The following TIMD4 variants were observed in gnomAD, a reference collection of about 807,000 sequenced individuals.
TIMD4 encodes T cell immunoglobulin and mucin domain containing 4.
In TIMD4, 31 loss-of-function variants were observed where a neutral mutation model predicts 41.2. The observed-to-expected ratio is 0.75, with a 90% CI of 0.57 to 1.01. The LOEUF (loss-of-function observed/expected upper bound fraction) is 1.01, where lower values mean the gene tolerates loss of function less well. Among genes scored for constraint, TIMD4 ranks in the 50% least tolerant of loss-of-function variants. TIMD4 has a pLI of 0.00. For synonymous variants in TIMD4, 204 were observed against 177.1 expected, an observed-to-expected ratio of 1.15 and a Z score of -1.21; for missense variants, 479 against 472.5, an observed-to-expected ratio of 1.01 and a Z score of -0.13.
chr5:156,923,478 TCA>T (rs1581606981), intron 6 of TIMD4, among the ~76,000 whole-genome samples: 1 of 152,048 alleles, frequency 6.6e-6, no homozygotes, highest in Non-Finnish European at 1.5e-5. Context: ...TAAAAATGTC[TCA>T]GTTTTTTCTG....
chr5:156,946,454 C>G (rs939623458), intron 5 of TIMD4, among the ~76,000 whole-genome samples: 1 of 152,090 alleles, frequency 6.6e-6, no homozygotes, highest in Non-Finnish European at 1.5e-5. Context: ...TCACTCTTGT[C>G]TGTTTCCTCC....
intron 1 of TIMD4, among the ~76,000 whole-genome samples, chr5:156,957,519 A>AAAAAAAG (rs893409205): frequency 1.3e-5 from 2 of 150,632 alleles, no homozygotes; most frequent in African/African-American, 4.9e-5. Context: ...TCTCAAAAAA[A>AAAAAAAG]AAAAAGAAAA....
At chr5:156,951,310 T>A (rs1759848008) in intron 3 of TIMD4, among the ~76,000 whole-genome samples, 1 of 152,100 alleles carries the variant, frequency 6.6e-6, no homozygotes, top group South Asian at 2.1e-4. Context: ...ACCCAGGACT[T>A]GTAGAACCCA....
At chr5:156,930,882 T>C in intron 5 of TIMD4, among the ~76,000 whole-genome samples, 1 of 152,194 alleles carries the variant, frequency 6.6e-6, no homozygotes. Context: ...CTTCAGAAAC[T>C]GTGAATATGT....
chr5:156,950,115 G>T (rs867272820), intron 3 of TIMD4, among the ~76,000 whole-genome samples: 1 of 82,074 alleles, frequency 1.2e-5, no homozygotes, highest in African/African-American at 4.0e-5. Context: ...ACCACACCTG[G>T]CCACTTTTTT....
At chr5:156,958,465 C>T (rs1402752812) in intron 1 of TIMD4, among the ~76,000 whole-genome samples, 1 of 152,054 alleles carries the variant, frequency 6.6e-6, no homozygotes. Flanking sequence ...ATAAATTTTA[C>T]CCATTAGACT....
intron 4 of TIMD4, 57 bp from the exon 5 acceptor site, chr5:156,948,556 C>T: frequency 8.0e-7 from 1 of 1,243,148 alleles, no homozygotes; most frequent in Non-Finnish European, 1.1e-6. Context: ...TGTCTTCCTG[C>T]TTTTGGTACT....
chr5:156,943,177 T>A (rs1204264041), intron 5 of TIMD4, among the ~76,000 whole-genome samples: 4 of 152,144 alleles, frequency 2.6e-5, no homozygotes. Context: ...CTGGACTGCC[T>A]GAAAATGAAG....
chr5:156,931,847 G>GTATGCAAATACTTAAAA (rs1561546117), intron 5 of TIMD4, among the ~76,000 whole-genome samples: 2 of 147,502 alleles, frequency 1.4e-5, no homozygotes, highest in South Asian at 2.2e-4. Flanking sequence ...CCTTGGCTAA[G>GTATGCAAATACTTAAAA]ATACTTTCCT....
Position 156,919,392 on chromosome 5 carries a change from A to G in TIMD4, c.*65T>C, listed in dbSNP as rs1365169582. On this transcript the variant is annotated 3_prime_UTR_variant, in exon 9 of 9. Transcript: ENST00000274532. ...TCTTTTTTATGAAACAAGGAAATCT[A>G]CTAAGACTTATTTTGACACTGGAGT... The G allele has an allele frequency of 2.1e-6, 3 of 1,415,426 alleles. No individual in the cohort carries two copies. Among genetic ancestry groups the G allele is most frequent in the Non-Finnish European group, 3.0e-6 (3 of 1,004,094 alleles). The allele number at this position is 1,415,426 out of a possible 1,614,324, so 87.7% of individuals were successfully genotyped here. A position where few individuals can be genotyped will look rare whatever the true frequency, so the allele number is the denominator to read the frequency against.
chr5:156,962,419 T>A (rs952622471), intron 1 of TIMD4, among the ~76,000 whole-genome samples: 2 of 150,130 alleles, frequency 1.3e-5, no homozygotes, highest in African/African-American at 4.9e-5. Flanking sequence ...AAAAAAAAAA[T>A]GGACTTTTGT....
intron 4 of TIMD4, 96 bp from the exon 5 acceptor site, chr5:156,948,595 T>G: frequency 1.5e-6 from 1 of 683,002 alleles, no homozygotes; most frequent in East Asian, 3.3e-5. Context: ...CTTCTGTCAT[T>G]GAAAACAAAA....
rs200259239 is a variant in TIMD4 at position 156,948,411 on chromosome 5, C to G, written c.844+5G>C. 7.1e-7 allele frequency: 1 copy of G among 1,399,684 alleles called. No homozygotes were observed. The highest frequency in any genetic ancestry group is 2.6e-5 in the Admixed American group (1 of 37,988). 86.7% of individuals were successfully genotyped at this position (1,399,684 alleles called of 1,614,324 possible). ...ATAAAATAAAAAAAATCACAGCCCCCCTACCTCCAGGCTGAGGAGAAGACA... is the reference window on the plus strand; with the variant it reads ...ATAAAATAAAAAAAATCACAGCCCCGCTACCTCCAGGCTGAGGAGAAGACA... On this transcript the variant is annotated splice_donor_5th_base_variant and intron_variant, in intron 5 of 8. Coordinates refer to ENST00000274532, the MANE Select transcript of TIMD4 (RefSeq NM_138379.3).
At chr5:156,935,881 T>A (rs1301026120) in intron 5 of TIMD4, among the ~76,000 whole-genome samples, 1 of 152,176 alleles carries the variant, frequency 6.6e-6, no homozygotes, top group Non-Finnish European at 1.5e-5. Context: ...TAATCCTTCA[T>A]CACTGGACTC....
Position 156,951,613 on chromosome 5 carries a change from G to A in TIMD4, c.578C>T (p.Thr193Ile), listed in dbSNP as rs191810286. 23 of 1,614,182 alleles carry A rather than the reference G, an allele frequency of 1.4e-5. No homozygotes were observed. The East Asian group carries it at 5.1e-4, about 36-fold the overall frequency. The change falls in exon 3 of 9, where the codon ACA becomes ATA. Residue 193 changes from threonine to isoleucine, a missense_variant. Physicochemically the swap from Thr to Ile is moderately conservative, Grantham distance 89 (BLOSUM62 -1). Coordinates refer to ENST00000274532, the MANE Select transcript of TIMD4 (RefSeq NM_138379.3). ...GGTTAGTGAAAGGCACGTGTTTGCT[G>A]TTGTGAAGACGGCAATGGTTGTCAT... Reference protein sequence around the residue: ...LQMTTIAVFTTANTCLSLTPS... With the variant: ...LQMTTIAVFTIANTCLSLTPS...
At chr5:156,923,009 TATAACAAACTTGCAC>T (rs1443816297) in intron 6 of TIMD4, among the ~76,000 whole-genome samples, 3 of 152,182 alleles carry the variant, frequency 2.0e-5, no homozygotes, top group Non-Finnish European at 4.4e-5. Flanking sequence ...CAGATACCTG[TATAACAAACTTGCAC>T]ATGTACCCCT....
chr5:156,945,677 C>A (rs921768217), intron 5 of TIMD4, among the ~76,000 whole-genome samples: 1 of 151,878 alleles, frequency 6.6e-6, no homozygotes, highest in African/African-American at 2.4e-5. Context: ...AAAAAGCATG[C>A]GTGTAATGTT....
At chr5:156,942,543 C>T (rs895769633) in intron 5 of TIMD4, among the ~76,000 whole-genome samples, 1 of 152,182 alleles carries the variant, frequency 6.6e-6, no homozygotes, top group African/African-American at 2.4e-5. Flanking sequence ...CTCTGTCTAG[C>T]TGTGTGACCT....
At chr5:156,948,794 T>C (rs1759794908) in intron 4 of TIMD4, among the ~76,000 whole-genome samples, 2 of 152,216 alleles carry the variant, frequency 1.3e-5, no homozygotes, top group South Asian at 4.1e-4. Flanking sequence ...GATTTGTGTT[T>C]AGGCAAAGTG....
Sources: gnomAD v4.1 joint callset for allele counts (sites outside exome capture counted in the v4.1 genomes callset) on GRCh38, gnomAD v4.1.1 for gene constraint, MANE v1.5 for transcripts, NCBI Gene and HGNC (gene_info 2026-07-23, HGNC 2026-07-21) for gene names.